The following PSIP1 variants were observed in gnomAD, a reference collection of about 807,000 sequenced individuals.
The protein encoded by PSIP1 is PC4 and SRSF1 interacting protein 1, also known as PC4 and SFRS1-interacting protein.
In PSIP1, 19 loss-of-function variants were observed where a neutral mutation model predicts 74.7. That is an observed-to-expected ratio of 0.25 (90% CI 0.18 to 0.37). The LOEUF is 0.37. Among genes scored for constraint, PSIP1 ranks in the 10% least tolerant of loss-of-function variants. The pLI is 1.00. For synonymous variants in PSIP1, 222 were observed against 195.3 expected (o/e 1.14, Z -1.14); for missense variants, 601 against 614.3 (o/e 0.98, Z 0.23).
At chr9:15,492,823 T>C (rs1337371614) in intron 3 of PSIP1, among the ~76,000 whole-genome samples, 1 of 152,242 alleles carries the variant, frequency 6.6e-6, no homozygotes, top group African/African-American at 2.4e-5. Flanking sequence ...CTGCCAAGGC[T>C]TGGGGCTTGC....
intron 4 of PSIP1, chr9:15,489,504 A>C (rs557629329): frequency 2.0e-5 from 3 of 148,856 alleles, no homozygotes; most frequent in African/African-American, 7.4e-5. Flanking sequence ...GCTACTTGGG[A>C]GGCTGAGGCA....
intron 3 of PSIP1, among the ~76,000 whole-genome samples, chr9:15,491,243 T>C (rs1055808172): frequency 1.3e-5 from 2 of 152,338 alleles, no homozygotes; most frequent in East Asian, 1.9e-4. Flanking sequence ...TTTAGCATTA[T>C]GCTTGGGAGC....
At chr9:15,485,932 A>G in intron 6 of PSIP1, 74 bp downstream of exon 6, 1 of 1,299,758 alleles carries the variant, frequency 7.7e-7, no homozygotes. Context: ...GTTTCATTGT[A>G]TCTACTCTCC....
At position 15,490,130 on chromosome 9, in the gene PSIP1, AAAG is replaced by A; in HGVS notation, c.150-9_150-7del. The A allele has an allele frequency of 6.3e-7, 1 of 1,574,822 alleles. No individual in the cohort carries two copies. Among genetic ancestry groups the A allele is most frequent in the South Asian group, 1.2e-5 (1 of 83,614 alleles). On this transcript the variant is annotated splice_region_variant and splice_polypyrimidine_tract_variant and intron_variant, in intron 3 of 15. Transcript: ENST00000380733. ...CCTTTGGTCCTAAAAAAGCACTAAA[AAAG>A]AAGTGGGGAAGATGTGAGTGCAAAG...
chr9:15,510,903 C>A lies in PSIP1; in HGVS notation c.-228G>T. ...GCAAGCCACCTGCGCCACCAGCTGC[C>A]GCAGAGGCGTCTCAACGGCTCGGAA... is the stretch of plus-strand genomic sequence containing the variant. On this transcript the variant is annotated 5_prime_UTR_variant, in exon 1 of 16. Transcript: ENST00000380733. 1 of 152,670 alleles carries A rather than the reference C, an allele frequency of 6.6e-6. No individual in the cohort carries two copies. The highest frequency in any genetic ancestry group is 2.0e-4 in the South Asian group (1 of 5,078). 9.5% of individuals were successfully genotyped at this position (152,670 alleles called of 1,614,324 possible). A position where few individuals can be genotyped will look rare whatever the true frequency, so the allele number is the denominator to read the frequency against.
intron 3 of PSIP1, among the ~76,000 whole-genome samples, chr9:15,502,137 TCCCAAAACCATCC>T (rs1315910863): frequency 1.3e-5 from 2 of 152,198 alleles, no homozygotes; most frequent in African/African-American, 4.8e-5. Context: ...ACAGTTTTCA[TCCCAAAACCATCC>T]CCCCAAACCC....
At chr9:15,474,384 TCA>T in intron 8 of PSIP1, 147 bp from the exon 9 acceptor site, 1 of 636,492 alleles carries the variant, frequency 1.6e-6, no homozygotes. Flanking sequence ...AGGAATTCTG[TCA>T]CAGAACATCC....
intron 15 of PSIP1, 90 bp from the exon 16 acceptor site, chr9:15,465,670 C>CCAA: frequency 8.9e-7 from 1 of 1,128,270 alleles, no homozygotes; most frequent in Non-Finnish European, 1.3e-6. Context: ...TATTTTTAAA[C>CCAA]CCATGAAAAG....
In PSIP1 at chr9:15,510,240, C is replaced by A. The variant is rs571888419; in HGVS notation, c.-52G>T. On this transcript the variant is annotated 5_prime_UTR_variant, in exon 2 of 16. Transcript: ENST00000380733. ...AAGCCCGGGAGGCGGCGAGGAGATG[C>A]GGCGGCGCGGGGATGCGGGCGGCGG... 2.6e-6 allele frequency: 4 copies of A among 1,553,712 alleles called. No individual in the cohort carries two copies. Among genetic ancestry groups the A allele is most frequent in the Admixed American group, 1.8e-5 (1 of 56,704 alleles).
At chr9:15,493,436 T>G (rs2036926511) in intron 3 of PSIP1, among the ~76,000 whole-genome samples, 2 of 152,196 alleles carry the variant, frequency 1.3e-5, no homozygotes, top group Admixed American at 1.3e-4. Context: ...TTTTCCTGTC[T>G]TCTTGTGAGC....
chr9:15,465,651 T>C (rs1313086178), intron 15 of PSIP1, 71 bp from the exon 16 acceptor site: 3 of 1,283,992 alleles, frequency 2.3e-6, no homozygotes, highest in Admixed American at 2.3e-5. Flanking sequence ...AGACATTAAG[T>C]CTGCATTATA....
At chr9:15,469,884 A>G (rs76473372) in intron 11 of PSIP1, 54 bp downstream of exon 11, 3 of 1,453,192 alleles carry the variant, frequency 2.1e-6, no homozygotes, top group South Asian at 1.2e-5. Context: ...TTATGTCTAT[A>G]TAACTTCTTT....
At chr9:15,487,353 G>C (rs944566782) in intron 4 of PSIP1, among the ~76,000 whole-genome samples, 3 of 152,058 alleles carry the variant, frequency 2.0e-5, no homozygotes, top group Non-Finnish European at 4.4e-5. Flanking sequence ...CCAGCACTTT[G>C]GGAGGCTGAG....
intron 6 of PSIP1, among the ~76,000 whole-genome samples, chr9:15,484,756 T>C (rs2036485976): frequency 6.7e-6 from 1 of 150,024 alleles, no homozygotes; most frequent in South Asian, 2.1e-4. Context: ...AACAAAAAAA[T>C]ACAAAAATTA....
chr9:15,498,853 TA>T (rs1563894948), intron 3 of PSIP1, among the ~76,000 whole-genome samples: 1 of 152,130 alleles, frequency 6.6e-6, no homozygotes. Flanking sequence ...AAGCAGGGCA[TA>T]ACTATATACG....
chr9:15,506,637 C>A lies in PSIP1; in HGVS notation c.73G>T (p.Val25Leu). The A allele has an allele frequency of 1.9e-6, 3 of 1,605,874 alleles. No individual in the cohort carries two copies. The highest frequency in any genetic ancestry group is 2.6e-6 in the Non-Finnish European group (3 of 1,173,318). ...ACAGCTCCATCAGGAACTTCGTCTA[C>A]CTAAAAGAAAAGTGAGAAAAATTAA... The part of the protein sequence containing the change: ...MKGYPHWPAR[V>L]DEVPDGAVKP... Residue 25 changes from valine (V) to leucine (L), a missense_variant and splice_region_variant, in exon 3 of 16, where the codon GTA becomes TTA. Coordinates refer to ENST00000380733, the MANE Select transcript of PSIP1 (RefSeq NM_033222.5).
Position 15,468,883 on chromosome 9 carries a change from A to G in PSIP1, c.1207-40T>C, listed in dbSNP as rs756467201. On this transcript the variant is annotated intron_variant, in intron 13 of 15. Coordinates refer to ENST00000380733, the MANE Select transcript of PSIP1 (RefSeq NM_033222.5). ...TACATTCATCATAATTGTTTTCCTA[A>G]TTGATTTTTTAAACAATTTTTAAAT... The G allele has an allele frequency of 1.2e-5, 20 of 1,605,028 alleles. No homozygotes were observed. The East Asian group carries it at 3.6e-4, about 29-fold the overall frequency.
chr9:15,477,831 T>C (rs1236666246), intron 8 of PSIP1, among the ~76,000 whole-genome samples: 1 of 151,978 alleles, frequency 6.6e-6, no homozygotes, highest in Non-Finnish European at 1.5e-5. Flanking sequence ...GCACCTATTC[T>C]AGAGGAGATA....
Position 15,510,241 on chromosome 9 carries a change from G to A in PSIP1, c.-53C>T. ...AGCCCGGGAGGCGGCGAGGAGATGCGGCGGCGCGGGGATGCGGGCGGCGGA... is the reference window on the plus strand; with the variant it reads ...AGCCCGGGAGGCGGCGAGGAGATGCAGCGGCGCGGGGATGCGGGCGGCGGA... On this transcript the variant is annotated 5_prime_UTR_variant, in exon 2 of 16. Transcript: ENST00000380733. The A allele has an allele frequency of 3.2e-6, 5 of 1,551,156 alleles. No homozygotes were observed. Among genetic ancestry groups the A allele is most frequent in the Non-Finnish European group, 3.5e-6 (4 of 1,139,736 alleles).
Sources: gnomAD v4.1 joint callset for allele counts (sites outside exome capture counted in the v4.1 genomes callset) on GRCh38, gnomAD v4.1.1 for gene constraint, MANE v1.5 for transcripts, NCBI Gene and HGNC (gene_info 2026-07-23, HGNC 2026-07-21) for gene names.